The following CRBN variants were observed in gnomAD, a reference collection of about 807,000 sequenced individuals.
CRBN encodes protein cereblon.
Under a neutral mutation model 62.2 loss-of-function variants are expected in CRBN, and 53 were observed. The ratio of observed to expected loss-of-function variants is 0.85; its 90% confidence interval spans 0.68 to 1.07. The LOEUF is 1.07. CRBN is among the 50% of genes least tolerant of loss of function. The pLI is 0.00. For synonymous variants in CRBN, 208 were observed against 176.1 expected, an observed-to-expected ratio of 1.18 and a Z score of -1.43; for missense variants, 616 against 531.1, an observed-to-expected ratio of 1.16 and a Z score of -1.57.
intron 1 of CRBN, among the ~76,000 whole-genome samples, chr3:3,175,876 GTGT>G (rs955992686): frequency 6.6e-6 from 1 of 152,122 alleles, no homozygotes. Context: ...CAGAAGTGAA[GTGT>G]TGTTATTCTT....
intron 1 of CRBN, among the ~76,000 whole-genome samples, chr3:3,178,154 G>A (rs920828672): frequency 6.6e-6 from 1 of 152,122 alleles, no homozygotes; most frequent in Non-Finnish European, 1.5e-5. Flanking sequence ...CATTCTCCCT[G>A]AAACACCGGA....
chr3:3,159,354 A>G (rs900970835), intron 5 of CRBN, among the ~76,000 whole-genome samples: 16 of 152,202 alleles, frequency 1.1e-4, no homozygotes, highest in Non-Finnish European at 2.1e-4. Flanking sequence ...TGAAAGTTTT[A>G]GTTTCGCTGA....
At chr3:3,175,027 T>C in intron 2 of CRBN, 136 bp downstream of exon 2, 1 of 166,048 alleles carries the variant, frequency 6.0e-6, no homozygotes, top group East Asian at 4.0e-5. Context: ...AATGTTTATC[T>C]ACTGGCAAAT....
At position 3,169,210 on chromosome 3, in the gene CRBN, T is replaced by G. The variant is rs77752874; in HGVS notation, c.528-1417A>C. On this transcript the variant is annotated intron_variant, in intron 4 of 10. Coordinates refer to ENST00000231948, the MANE Select transcript of CRBN (RefSeq NM_016302.4). ...TGAATTGCCTTGAAGGATTAAGGAA[T>G]GCTCTCCTTTACCTGGTTAAACATG... Among the ~76,000 whole-genome samples the G allele has an allele frequency of 4.8e-3, 732 of 152,308 alleles. 5 individuals are homozygous for G. The highest frequency in any genetic ancestry group is 0.017 in the African/African-American group (701 of 41,564).
intron 1 of CRBN, among the ~76,000 whole-genome samples, chr3:3,176,511 A>G (rs897037797): frequency 2.6e-5 from 4 of 152,188 alleles, no homozygotes; most frequent in Non-Finnish European, 4.4e-5. Context: ...CGAGGCAGGC[A>G]GATCACTTGA....
chr3:3,159,426 C>T (rs529742813), intron 5 of CRBN, among the ~76,000 whole-genome samples: 1 of 151,982 alleles, frequency 6.6e-6, no homozygotes, highest in Non-Finnish European at 1.5e-5. Context: ...TTTTGTAATA[C>T]AAAAGAAATG....
Position 3,175,218 on chromosome 3 carries a change from T to C in CRBN, c.119A>G (p.Glu40Gly), listed in dbSNP as rs367782361. 1 of 1,613,750 alleles carries C rather than the reference T, an allele frequency of 6.2e-7. No individual in the cohort carries two copies. Among genetic ancestry groups the C allele is most frequent in the Non-Finnish European group, 8.5e-7 (1 of 1,179,816 alleles). Residue 40 changes from glutamate (E) to glycine (G), a missense_variant, in exon 2 of 11, where the codon GAA becomes GGA. Transcript: ENST00000231948. ...EMEVEDQDSK[E>G]AKKPNIINFD... ...ATTTATGATGTTTGGTTTTTTGGCT[T>C]CTTTACTATCCTGGTCTTCAACTTC...
intron 4 of CRBN, chr3:3,172,460 T>C (rs1295178342): frequency 1.2e-5 from 4 of 347,810 alleles, no homozygotes; most frequent in Admixed American, 4.4e-5. Flanking sequence ...CACTTCCCTT[T>C]GGATTTACAT....
intron 4 of CRBN, among the ~76,000 whole-genome samples, chr3:3,170,946 C>T (rs530906726): frequency 6.6e-6 from 1 of 152,244 alleles, no homozygotes; most frequent in Admixed American, 6.5e-5. Context: ...GCTGGGATTA[C>T]AGTCATGCGC....
At chr3:3,165,120 C>T in intron 5 of CRBN, among the ~76,000 whole-genome samples, 1 of 152,074 alleles carries the variant, frequency 6.6e-6, no homozygotes, top group East Asian at 1.9e-4. Context: ...GAAGTGGAAC[C>T]CACAGATAGG....
chr3:3,154,772 A>G lies in CRBN; in HGVS notation c.810T>C (p.Asp270=). ...CTATTGGATTTGAAGGAAGAGAATC[A>G]TCTTTTAGATTTTCATCCCATTCAC... ...QLREWDENLK[D]DSLPSNPIDF... Residue 270 remains aspartate, a synonymous_variant, in exon 7 of 11, where the codon GAT becomes GAC. Transcript: ENST00000231948. 1.2e-6 allele frequency: 2 copies of G among 1,602,666 alleles called. No homozygotes were observed. The highest frequency in any genetic ancestry group is 1.7e-6 in the Non-Finnish European group (2 of 1,169,738).
Position 3,156,253 on chromosome 3 carries a change from G to A in CRBN, c.716C>T (p.Ser239Leu). The A allele has an allele frequency of 6.2e-7, 1 of 1,614,056 alleles. No individual in the cohort carries two copies. Among genetic ancestry groups the A allele is most frequent in the Non-Finnish European group, 8.5e-7 (1 of 1,179,958 alleles). ...TAAGGAATACAGCCAGCGAGGCCAT[G>A]AAGTTAGATTTGCACAATGAAACTT... ...KRKFHCANLT[S>L]WPRWLYSLYD... is the part of the protein sequence containing the mutation. The change falls in exon 6 of 11, where the codon TCA (serine) becomes TTA (leucine). Residue 239 changes from serine (S) to leucine (L), a missense_variant. Ser to Leu is a moderately radical substitution (Grantham distance 145, BLOSUM62 -2). Transcript: ENST00000231948.
At position 3,152,935 on chromosome 3, in the gene CRBN, T is replaced by C. The variant is rs1339278984; in HGVS notation, c.1017-348A>G. On this transcript the variant is annotated intron_variant, in intron 9 of 10. Coordinates refer to ENST00000231948, the MANE Select transcript of CRBN (RefSeq NM_016302.4). ...CAATGACAAGGTCCTGTGTGGTCAT[T>C]TTGGGGCAGTTGATTATTTTGCAGA... 22 of 323,178 alleles carry C rather than the reference T, an allele frequency of 6.8e-5. No homozygotes were observed. In the Admixed American group the frequency reaches 8.7e-4, roughly 13 times the overall value. The allele number at this position is 323,178 out of a possible 1,614,324, so 20.0% of individuals were successfully genotyped here.
Position 3,172,590 on chromosome 3 carries a change from T to C in CRBN, c.527+186A>G, listed in dbSNP as rs1254982994. On this transcript the variant is annotated intron_variant, in intron 4 of 10. Coordinates refer to ENST00000231948, the MANE Select transcript of CRBN (RefSeq NM_016302.4). ...GTTGGAACTCAAGCTTCTATAGTTT[T>C]AAAAGCTTCCCAGGTGATTCTGATG... 4 of 623,106 alleles carry C rather than the reference T, an allele frequency of 6.4e-6. No individual in the cohort carries two copies. In the East Asian group the frequency reaches 1.1e-4, roughly 17 times the overall value. 38.6% of individuals were successfully genotyped at this position (623,106 alleles called of 1,614,324 possible). A position where few individuals can be genotyped will look rare whatever the true frequency, so the allele number is the denominator to read the frequency against.
chr3:3,178,251 A>G (rs533080152), intron 1 of CRBN, among the ~76,000 whole-genome samples: 3 of 152,332 alleles, frequency 2.0e-5, no homozygotes, highest in Admixed American at 2.0e-4. Flanking sequence ...GTGTCAACTC[A>G]GCTAGAATGG....
At chr3:3,156,168 A>ATT (rs1377099083) in intron 6 of CRBN, 51 bp downstream of exon 6, 1 of 1,459,506 alleles carries the variant, frequency 6.9e-7, no homozygotes, top group Non-Finnish European at 9.6e-7. Flanking sequence ...ATGACCCTTA[A>ATT]TTATGACATG....
intron 5 of CRBN, among the ~76,000 whole-genome samples, chr3:3,157,482 C>G (rs1319669696): frequency 6.6e-6 from 1 of 152,092 alleles, no homozygotes; most frequent in Non-Finnish European, 1.5e-5. Context: ...AACAAGGTAA[C>G]ATTTAACAAA....
chr3:3,157,459 C>T (rs565250534), intron 5 of CRBN, among the ~76,000 whole-genome samples: 2 of 152,172 alleles, frequency 1.3e-5, no homozygotes, highest in South Asian at 4.1e-4. Flanking sequence ...TTTTAACAGA[C>T]CAGAACAAGA....
At chr3:3,162,742 T>G (rs1707190444) in intron 5 of CRBN, among the ~76,000 whole-genome samples, 1 of 152,216 alleles carries the variant, frequency 6.6e-6, no homozygotes, top group Admixed American at 6.5e-5. Flanking sequence ...CCTTATTAGC[T>G]TGAGTTAGCT....
Sources: gnomAD v4.1 joint callset for allele counts (sites outside exome capture counted in the v4.1 genomes callset) on GRCh38, gnomAD v4.1.1 for gene constraint, MANE v1.5 for transcripts, NCBI Gene and HGNC (gene_info 2026-07-23, HGNC 2026-07-21) for gene names.